The following PCDH15 variants were observed in gnomAD, a reference collection of about 807,000 sequenced individuals.
PCDH15 encodes the protein protocadherin related 15.
PCDH15 carries 129 observed loss-of-function variants against 178.5 expected under a neutral mutation model. The observed-to-expected ratio is 0.72, with a 90% CI of 0.63 to 0.84. The LOEUF (loss-of-function observed/expected upper bound fraction) is 0.84. Among genes scored for constraint, PCDH15 ranks in the 40% least tolerant of loss-of-function variants. PCDH15 has a pLI of 0.00. For synonymous variants in PCDH15, 800 were observed against 732.0 expected, an observed-to-expected ratio of 1.09 and a Z score of -1.50; for missense variants, 2,230 against 2,099.9, an observed-to-expected ratio of 1.06 and a Z score of -1.21.
intron 2 of PCDH15, among the ~76,000 whole-genome samples, chr10:55,053,419 G>A (rs1198594920): frequency 1.3e-5 from 2 of 152,128 alleles, no homozygotes; most frequent in African/African-American, 4.8e-5. Context: ...TCTGACAGGA[G>A]AAATCACTCT....
At chr10:54,541,718 T>C (rs1348745892) in intron 2 of PCDH15, among the ~76,000 whole-genome samples, 1 of 152,236 alleles carries the variant, frequency 6.6e-6, no homozygotes, top group Non-Finnish European at 1.5e-5. Context: ...AAACACTTTA[T>C]GAAAAGCAGC....
intron 2 of PCDH15, among the ~76,000 whole-genome samples, chr10:54,949,105 T>C (rs1309330891): frequency 6.6e-6 from 1 of 151,994 alleles, no homozygotes; most frequent in East Asian, 1.9e-4. Flanking sequence ...ATGAGTGTCT[T>C]TGATTTCATC....
intron 1 of PCDH15, among the ~76,000 whole-genome samples, chr10:54,756,097 A>G (rs1591472165): frequency 6.9e-6 from 1 of 144,626 alleles, no homozygotes; most frequent in East Asian, 2.0e-4. Context: ...ACACACACAC[A>G]AAATTAGCTG....
intron 8 of PCDH15, among the ~76,000 whole-genome samples, chr10:54,312,574 C>G (rs780149341): frequency 6.6e-6 from 1 of 152,104 alleles, no homozygotes; most frequent in Admixed American, 6.6e-5. Context: ...TTGTGACAAC[C>G]CACTGTCTTG....
At chr10:55,414,025 T>A (rs1038748544) in intron 2 of PCDH15, among the ~76,000 whole-genome samples, 1 of 151,460 alleles carries the variant, frequency 6.6e-6, no homozygotes, top group African/African-American at 2.4e-5. Context: ...TTAGAAAAAA[T>A]GTATTTCAGC....
Position 54,591,115 on chromosome 10 carries a change from A to T in PCDH15, c.92-63238T>A, listed in dbSNP as rs559633868. 1.2e-4 allele frequency among the ~76,000 whole-genome samples: 19 copies of T among 152,228 alleles called. No homozygotes were observed. In the East Asian group the frequency reaches 3.7e-3, roughly 29 times the overall value. ...CTAGCCAAATGCCCGAAGCCCCTAG[A>T]ACCCCAGTGCCTAGTGTGGTATGCA... is the stretch of plus-strand genomic sequence containing the variant. On this transcript the variant is annotated intron_variant, in intron 2 of 37. Coordinates refer to ENST00000644397, the MANE Select transcript of PCDH15 (RefSeq NM_001384140.1).
chr10:54,066,919 G>A (rs778258170), intron 17 of PCDH15, 34 bp from the exon 18 acceptor site: 10 of 1,606,380 alleles, frequency 6.2e-6, no homozygotes, highest in Admixed American at 1.7e-5. Context: ...AATGTGAGAG[G>A]AGCTATTTTT....
At chr10:55,071,830 T>G (rs552288641) in intron 2 of PCDH15, among the ~76,000 whole-genome samples, 107 of 152,204 alleles carry the variant, frequency 7.0e-4, no homozygotes, top group African/African-American at 2.4e-3. Flanking sequence ...ATTCCAAAAT[T>G]GACCACATAC....
intron 25 of PCDH15, among the ~76,000 whole-genome samples, chr10:53,934,205 A>C (rs980631162): frequency 6.6e-6 from 1 of 152,140 alleles, no homozygotes; most frequent in African/African-American, 2.4e-5. Context: ...CCAGTGAGAC[A>C]GAGGAGGGAT....
intron 3 of PCDH15, among the ~76,000 whole-genome samples, chr10:54,849,376 G>C (rs189522576): frequency 1.3e-5 from 2 of 151,952 alleles, no homozygotes; most frequent in African/African-American, 2.4e-5. Context: ...TTATCTTCCC[G>C]ACCTTTTTCC....
chr10:55,601,217 T>C (rs1589170037), intron 2 of PCDH15, among the ~76,000 whole-genome samples: 1 of 152,204 alleles, frequency 6.6e-6, no homozygotes, highest in South Asian at 2.1e-4. Context: ...GTGAGAGAGT[T>C]GTGAATGGAA....
intron 1 of PCDH15, among the ~76,000 whole-genome samples, chr10:54,682,725 C>T (rs1021846646): frequency 6.6e-6 from 1 of 152,074 alleles, no homozygotes; most frequent in African/African-American, 2.4e-5. Context: ...TTCTTAAAAA[C>T]TAAATAGCTA....
intron 2 of PCDH15, among the ~76,000 whole-genome samples, chr10:55,544,818 T>C (rs957163776): frequency 3.9e-5 from 6 of 152,014 alleles, no homozygotes; most frequent in African/African-American, 1.2e-4. Context: ...ATACACCAGA[T>C]TGCCTAGAAC....
chr10:53,938,366 G>A (rs528214774), intron 25 of PCDH15, among the ~76,000 whole-genome samples: 37 of 152,106 alleles, frequency 2.4e-4, no homozygotes, highest in Non-Finnish European at 1.2e-4. Context: ...GAAAAATGAT[G>A]CTACATATAA....
chr10:54,945,466 T>A (rs189503165), intron 2 of PCDH15, among the ~76,000 whole-genome samples: 4 of 151,810 alleles, frequency 2.6e-5, no homozygotes, highest in Non-Finnish European at 5.9e-5. Context: ...TTTGCCTTTT[T>A]TTTTTGGTGT....
intron 2 of PCDH15, among the ~76,000 whole-genome samples, chr10:55,620,537 G>C (rs2255502): frequency 0.037 from 5,584 of 151,866 alleles, 138 homozygotes; most frequent in Non-Finnish European, 0.057. Context: ...TCACATTTTA[G>C]TTATTACATT....
At chr10:55,417,315 T>A (rs1397352481) in intron 2 of PCDH15, among the ~76,000 whole-genome samples, 2 of 151,720 alleles carry the variant, frequency 1.3e-5, no homozygotes, top group African/African-American at 2.4e-5. Flanking sequence ...AAAGACATTA[T>A]AAGCAAAGAA....
intron 1 of PCDH15, among the ~76,000 whole-genome samples, chr10:54,706,693 G>A (rs1027910111): frequency 6.6e-6 from 1 of 152,014 alleles, no homozygotes; most frequent in African/African-American, 2.4e-5. Context: ...GCGCGATCTC[G>A]GCTCATTGCA....
chr10:55,312,171 C>T (rs545215853), intron 1 of PCDH15, among the ~76,000 whole-genome samples: 1 of 152,018 alleles, frequency 6.6e-6, no homozygotes, highest in Non-Finnish European at 1.5e-5. Context: ...AGTATAAAAA[C>T]CCATTCGTGT....
Sources: gnomAD v4.1 joint callset for allele counts (sites outside exome capture counted in the v4.1 genomes callset) on GRCh38, gnomAD v4.1.1 for gene constraint, MANE v1.5 for transcripts, NCBI Gene and HGNC (gene_info 2026-07-23, HGNC 2026-07-21) for gene names.